CRACD: variants seen among roughly 807,000 people sequenced by gnomAD.
The protein encoded by CRACD is capping protein inhibiting regulator of actin dynamics, also known as capping protein-inhibiting regulator of actin dynamics.
A neutral mutation model predicts 106.8 loss-of-function variants in CRACD; 56 were observed. The ratio of observed to expected loss-of-function variants is 0.52; its 90% CI spans 0.42 to 0.66. CRACD has a LOEUF of 0.66. CRACD is among the 30% of genes least tolerant of loss of function. The pLI is 0.00. For synonymous variants in CRACD, 754 were observed against 670.8 expected, an observed-to-expected ratio of 1.12 and a Z score of -1.92; for missense variants, 1,730 against 1,623.2, an observed-to-expected ratio of 1.07 and a Z score of -1.13.
At chr4:56,074,791 T>G (rs1732781119) in intron 1 of CRACD, among the ~76,000 whole-genome samples, 1 of 152,200 alleles carries the variant, frequency 6.6e-6, no homozygotes, top group African/African-American at 2.4e-5. Context: ...GTTCCAGTTT[T>G]GAGCCATTCA....
intron 2 of CRACD, among the ~76,000 whole-genome samples, chr4:56,196,022 CCTACCT>C (rs1431110894): frequency 1.0e-3 from 155 of 152,248 alleles, no homozygotes; most frequent in African/African-American, 3.5e-3. Flanking sequence ...CTGAAATAAC[CCTACCT>C]TTCCTTTTCA....
intron 1 of CRACD, among the ~76,000 whole-genome samples, chr4:56,088,268 C>A (rs1325962867): frequency 6.6e-6 from 1 of 151,532 alleles, no homozygotes; most frequent in Non-Finnish European, 1.5e-5. Context: ...TAGCGTAATA[C>A]CTGATAGGTA....
intron 1 of CRACD, among the ~76,000 whole-genome samples, chr4:56,171,265 A>T (rs1222947505): frequency 2.2e-5 from 3 of 139,160 alleles, no homozygotes; most frequent in Non-Finnish European, 4.8e-5. Context: ...AAAGTATAAT[A>T]AAAAAAAAAA....
intron 1 of CRACD, among the ~76,000 whole-genome samples, chr4:56,159,902 C>T (rs1735891472): frequency 6.6e-6 from 1 of 151,846 alleles, no homozygotes; most frequent in South Asian, 2.1e-4. Context: ...CTGCCTCAGC[C>T]TCCTGAGTAG....
chr4:56,214,337 A>G (rs549100375), intron 2 of CRACD, among the ~76,000 whole-genome samples: 2 of 152,272 alleles, frequency 1.3e-5, no homozygotes, highest in African/African-American at 2.4e-5. Flanking sequence ...GCTTACGCCT[A>G]TAATTCCAGC....
At chr4:56,271,378 T>C (rs541656686) in intron 2 of CRACD, among the ~76,000 whole-genome samples, 1 of 152,294 alleles carries the variant, frequency 6.6e-6, no homozygotes, top group African/African-American at 2.4e-5. Context: ...AAGATGTTCA[T>C]AGCAACTCCT....
chr4:56,060,691 T>C (rs1290639326), intron 1 of CRACD, among the ~76,000 whole-genome samples: 1 of 152,126 alleles, frequency 6.6e-6, no homozygotes, highest in Non-Finnish European at 1.5e-5. Flanking sequence ...CTCCCCAAAA[T>C]TCATATGTTG....
Position 56,299,097 on chromosome 4 carries a change from C to T in CRACD, c.120+748C>T, listed in dbSNP as rs189763990. On this transcript the variant is annotated intron_variant, in intron 4 of 10. Transcript: ENST00000682029. Reference sequence around the variant, plus strand: ...CTCTGTAATTGGACAGTGAATGATACGACTCTATTTTTCTGTTGTATTTGT... The same window carrying T: ...CTCTGTAATTGGACAGTGAATGATATGACTCTATTTTTCTGTTGTATTTGT... Among the ~76,000 whole-genome samples the T allele has an allele frequency of 4.6e-5, 7 of 152,188 alleles. No individual in the cohort carries two copies. In the East Asian group the frequency reaches 9.7e-4, roughly 21 times the overall value.
At chr4:56,140,317 A>G (rs558469992) in intron 1 of CRACD, among the ~76,000 whole-genome samples, 2 of 152,216 alleles carry the variant, frequency 1.3e-5, no homozygotes, top group Admixed American at 1.3e-4. Context: ...AATGATTCTG[A>G]ATGAGTTTGG....
At chr4:56,119,074 A>G (rs1734393869) in intron 1 of CRACD, among the ~76,000 whole-genome samples, 1 of 152,170 alleles carries the variant, frequency 6.6e-6, no homozygotes. Flanking sequence ...TCATCAACAT[A>G]GTAGCTAGCA....
At chr4:56,293,863 C>T (rs503244) in intron 3 of CRACD, among the ~76,000 whole-genome samples, 130,786 of 152,198 alleles carry the variant, frequency 0.86, 57,098 homozygotes, top group Non-Finnish European at 0.94. Flanking sequence ...AGATCCAAAC[C>T]ATATCAGTAG....
At chr4:56,154,187 C>T (rs534064212) in intron 1 of CRACD, among the ~76,000 whole-genome samples, 13 of 152,170 alleles carry the variant, frequency 8.5e-5, no homozygotes, top group African/African-American at 2.7e-4. Context: ...GATTGTTGGC[C>T]GGGCATGGTG....
chr4:56,213,272 T>C (rs1738500358), intron 2 of CRACD, among the ~76,000 whole-genome samples: 1 of 151,886 alleles, frequency 6.6e-6, no homozygotes, highest in Non-Finnish European at 1.5e-5. Context: ...CATGGAGAAA[T>C]CCCATCTTTA....
intron 3 of CRACD, among the ~76,000 whole-genome samples, chr4:56,272,846 C>T (rs1037354284): frequency 2.0e-5 from 3 of 149,086 alleles, no homozygotes; most frequent in Admixed American, 1.3e-4. Context: ...TTGCAGTGAG[C>T]TGAGATCATG....
intron 2 of CRACD, among the ~76,000 whole-genome samples, chr4:56,214,625 C>T (rs549286116): frequency 6.7e-6 from 1 of 149,354 alleles, no homozygotes; most frequent in African/African-American, 2.5e-5. Flanking sequence ...CGCACCACTG[C>T]CCTCCAGCCT....
intron 7 of CRACD, among the ~76,000 whole-genome samples, chr4:56,313,768 T>C (rs1446797173): frequency 6.6e-6 from 1 of 152,050 alleles, no homozygotes; most frequent in Non-Finnish European, 1.5e-5. Context: ...TCCTCGTTTG[T>C]TCATATTAAG....
chr4:56,176,986 A>G (rs771208003), intron 1 of CRACD, among the ~76,000 whole-genome samples: 6 of 152,168 alleles, frequency 3.9e-5, no homozygotes, highest in Non-Finnish European at 7.4e-5. Flanking sequence ...TCTAAATGTA[A>G]GATAATGTCA....
At chr4:56,240,775 C>T (rs1384255546) in intron 2 of CRACD, among the ~76,000 whole-genome samples, 1 of 152,214 alleles carries the variant, frequency 6.6e-6, no homozygotes, top group East Asian at 1.9e-4. Context: ...TAAGCCGCCA[C>T]ACCTACTTGA....
chr4:56,087,640 A>C (rs1057439170), intron 1 of CRACD, among the ~76,000 whole-genome samples: 1 of 152,054 alleles, frequency 6.6e-6, no homozygotes, highest in African/African-American at 2.4e-5. Flanking sequence ...TCACCATCCC[A>C]TCTGAATATT....
Sources: gnomAD v4.1 joint callset for allele counts (sites outside exome capture counted in the v4.1 genomes callset) on GRCh38, gnomAD v4.1.1 for gene constraint, MANE v1.5 for transcripts, NCBI Gene and HGNC (gene_info 2026-07-23, HGNC 2026-07-21) for gene names.